The following SORCS3 variants were observed in gnomAD, a reference collection of about 807,000 sequenced individuals.
The protein encoded by SORCS3 is sortilin related VPS10 domain containing receptor 3.
SORCS3 carries 57 observed loss-of-function variants against 146.3 expected under a neutral mutation model. The ratio of observed to expected loss-of-function variants is 0.39; its 90% CI spans 0.31 to 0.49. The LOEUF is 0.49. Ranked by LOEUF, SORCS3 falls within the 20% of genes least tolerant of loss-of-function variation. SORCS3 has a pLI of 0.92. For synonymous variants in SORCS3, 653 were observed against 618.5 expected (o/e 1.06, Z -0.83); for missense variants, 1,341 against 1,575.5 (o/e 0.85, Z 2.52).
At chr10:104,729,879 A>G (rs1458048146) in intron 1 of SORCS3, among the ~76,000 whole-genome samples, 3 of 152,238 alleles carry the variant, frequency 2.0e-5, no homozygotes, top group Admixed American at 2.0e-4. Flanking sequence ...AAATCTGCCA[A>G]CAGACTATGT....
intron 4 of SORCS3, among the ~76,000 whole-genome samples, chr10:104,985,947 G>C (rs931173816): frequency 6.6e-6 from 1 of 152,116 alleles, no homozygotes; most frequent in Middle Eastern, 3.2e-3. Flanking sequence ...AATTTTTAAG[G>C]GCCCTAGGAT....
At chr10:104,849,490 T>G (rs1013684752) in intron 2 of SORCS3, among the ~76,000 whole-genome samples, 2 of 150,270 alleles carry the variant, frequency 1.3e-5, no homozygotes, top group East Asian at 3.9e-4. Context: ...AAACACCTGG[T>G]GACAGTGGGT....
At chr10:105,086,136 T>C (rs972147635) in intron 5 of SORCS3, among the ~76,000 whole-genome samples, 4 of 152,206 alleles carry the variant, frequency 2.6e-5, no homozygotes, top group Non-Finnish European at 5.9e-5. Flanking sequence ...GGATGTCTTC[T>C]AAGTTGTGAT....
At chr10:104,981,190 C>G (rs1015701134) in intron 4 of SORCS3, among the ~76,000 whole-genome samples, 4 of 152,188 alleles carry the variant, frequency 2.6e-5, no homozygotes, top group Admixed American at 2.6e-4. Flanking sequence ...TTATGAGCTT[C>G]CCCACTCCTT....
At chr10:105,107,164 C>T (rs992755654) in intron 7 of SORCS3, among the ~76,000 whole-genome samples, 4 of 152,204 alleles carry the variant, frequency 2.6e-5, no homozygotes, top group Non-Finnish European at 5.9e-5. Flanking sequence ...CAACCCCCTA[C>T]CAGGTCAGTC....
intron 1 of SORCS3, among the ~76,000 whole-genome samples, chr10:104,654,505 G>A (rs921480178): frequency 6.6e-6 from 1 of 152,062 alleles, no homozygotes; most frequent in Non-Finnish European, 1.5e-5. Flanking sequence ...TTTTAACTGG[G>A]GTGAGATGAT....
intron 3 of SORCS3, among the ~76,000 whole-genome samples, chr10:104,924,490 C>G (rs556502641): frequency 5.3e-4 from 81 of 152,308 alleles, no homozygotes; most frequent in African/African-American, 1.9e-3. Flanking sequence ...CTCTCAAAGC[C>G]CAAAGGGTAT....
chr10:105,092,153 G>T (rs369446808), intron 6 of SORCS3, among the ~76,000 whole-genome samples: 1 of 152,162 alleles, frequency 6.6e-6, no homozygotes, highest in Non-Finnish European at 1.5e-5. Context: ...CAAGAATTCT[G>T]GTCCAAATTG....
intron 11 of SORCS3, among the ~76,000 whole-genome samples, chr10:105,162,118 G>A (rs966775999): frequency 5.9e-5 from 9 of 152,310 alleles, no homozygotes; most frequent in East Asian, 1.9e-4. Context: ...TGAGAGAAGC[G>A]TAGCTAGCCC....
At chr10:105,223,501 C>T (rs1048404059) in intron 20 of SORCS3, among the ~76,000 whole-genome samples, 12 of 152,166 alleles carry the variant, frequency 7.9e-5, no homozygotes, top group Admixed American at 6.5e-4. Flanking sequence ...TCTTGCTTCT[C>T]TAATCAATAT....
At chr10:105,045,396 G>A (rs897087234) in intron 5 of SORCS3, among the ~76,000 whole-genome samples, 3 of 152,080 alleles carry the variant, frequency 2.0e-5, no homozygotes, top group African/African-American at 7.2e-5. Context: ...TGCCTGTGCT[G>A]AATAGTCAAG....
At chr10:105,240,149 A>G (rs1013736486) in intron 20 of SORCS3, among the ~76,000 whole-genome samples, 2 of 152,172 alleles carry the variant, frequency 1.3e-5, no homozygotes, top group African/African-American at 2.4e-5. Context: ...TCTCCTAGGG[A>G]AACAGCCAGA....
chr10:105,214,977 T>G (rs933354959), intron 18 of SORCS3, among the ~76,000 whole-genome samples: 2 of 152,198 alleles, frequency 1.3e-5, no homozygotes, highest in Non-Finnish European at 2.9e-5. Context: ...TCTGTTGCTT[T>G]TAGGAGCCTC....
At chr10:104,837,114 C>T (rs760727285) in intron 1 of SORCS3, among the ~76,000 whole-genome samples, 2 of 152,088 alleles carry the variant, frequency 1.3e-5, no homozygotes, top group East Asian at 3.9e-4. Context: ...TATAATTCAT[C>T]CAAAGGACCT....
At chr10:104,681,027 C>A (rs564216158) in intron 1 of SORCS3, among the ~76,000 whole-genome samples, 1 of 152,250 alleles carries the variant, frequency 6.6e-6, no homozygotes, top group Non-Finnish European at 1.5e-5. Flanking sequence ...TTCCGCAGAG[C>A]TCCGCCTCGG....
chr10:105,069,639 T>C (rs1443493115), intron 5 of SORCS3, among the ~76,000 whole-genome samples: 3 of 152,230 alleles, frequency 2.0e-5, no homozygotes, highest in Non-Finnish European at 2.9e-5. Context: ...TTTGCATCTT[T>C]CTGAAGCATC....
intron 4 of SORCS3, among the ~76,000 whole-genome samples, chr10:105,001,257 A>G (rs2055058881): frequency 6.6e-6 from 1 of 152,152 alleles, no homozygotes; most frequent in Admixed American, 6.6e-5. Context: ...AAGGAGAGAG[A>G]AGAAGAATGT....
chr10:104,935,785 A>G (rs1290348520), intron 3 of SORCS3, among the ~76,000 whole-genome samples: 4 of 152,220 alleles, frequency 2.6e-5, no homozygotes, highest in Non-Finnish European at 5.9e-5. Context: ...GAAATAGCAC[A>G]TGCTGTAGCA....
At chr10:105,117,400 T>C (rs1472605872) in intron 7 of SORCS3, among the ~76,000 whole-genome samples, 1 of 152,068 alleles carries the variant, frequency 6.6e-6, no homozygotes, top group Non-Finnish European at 1.5e-5. Context: ...GTAGGTAGAG[T>C]GAACTATTTA....
Sources: allele counts gnomAD v4.1 joint callset (sites outside exome capture counted in the v4.1 genomes callset), GRCh38; gene constraint gnomAD v4.1.1; transcripts MANE v1.5; gene names NCBI Gene and HGNC (gene_info 2026-07-23, HGNC 2026-07-21).